PCDH9: variants seen among roughly 807,000 people sequenced by gnomAD.
PCDH9 encodes protocadherin-9.
A neutral mutation model predicts 70.6 loss-of-function variants in PCDH9; 24 were observed. That is an observed-to-expected ratio of 0.34 (90% CI 0.25 to 0.48). PCDH9 has a LOEUF of 0.48. PCDH9 is among the 20% of genes least tolerant of loss of function. The pLI is 0.99. For synonymous variants in PCDH9, 562 were observed against 558.5 expected (o/e 1.01, Z -0.09); for missense variants, 1,281 against 1,503.6 (o/e 0.85, Z 2.45).
chr13:66,954,114 G>GT (rs770536092), intron 2 of PCDH9, among the ~76,000 whole-genome samples: 9 of 152,108 alleles, frequency 5.9e-5, no homozygotes, highest in Non-Finnish European at 1.0e-4. Context: ...CATCTACCAA[G>GT]TATCAGGAGC....
chr13:66,799,126 C>T (rs1029837850), intron 3 of PCDH9, among the ~76,000 whole-genome samples: 2 of 152,076 alleles, frequency 1.3e-5, no homozygotes, highest in Non-Finnish European at 1.5e-5. Context: ...GCCTGCTACT[C>T]TTTATTAAGA....
At position 66,564,420 on chromosome 13, in the gene PCDH9, C is replaced by A. The variant is rs188175613; in HGVS notation, c.3340+66790G>T. Among the ~76,000 whole-genome samples the A allele has an allele frequency of 1.5e-3, 229 of 152,162 alleles. 7 individuals carry two copies. Among genetic ancestry groups the A allele is most frequent in the Admixed American group, 0.015 (227 of 15,276 alleles). ...GGCTCAAATGATTCTCTCCCTTTGA[C>A]CTCTCAAAGTGCTAGGATTACAGGC... is the stretch of plus-strand genomic sequence containing the variant. On this transcript the variant is annotated intron_variant, in intron 4 of 4. Transcript: ENST00000377865.
intron 4 of PCDH9, among the ~76,000 whole-genome samples, chr13:66,410,303 GT>G (rs1353116119): frequency 6.6e-6 from 1 of 151,804 alleles, no homozygotes; most frequent in African/African-American, 2.4e-5. Flanking sequence ...CCCTAGCATT[GT>G]TTTACAGTGA....
At chr13:66,997,977 T>G (rs1362788058) in intron 2 of PCDH9, among the ~76,000 whole-genome samples, 1 of 152,240 alleles carries the variant, frequency 6.6e-6, no homozygotes, top group Non-Finnish European at 1.5e-5. Context: ...TGTGTTTGTT[T>G]GTTTGTTTAA....
chr13:66,305,325 GA>G (rs1168770163), intron 4 of PCDH9, among the ~76,000 whole-genome samples: 3 of 151,844 alleles, frequency 2.0e-5, no homozygotes, highest in African/African-American at 7.3e-5. Flanking sequence ...GTATAACCAT[GA>G]TGTATACAGA....
At chr13:66,642,511 A>G (rs2077721811) in intron 3 of PCDH9, among the ~76,000 whole-genome samples, 1 of 152,054 alleles carries the variant, frequency 6.6e-6, no homozygotes. Flanking sequence ...TAGGTACTTA[A>G]TGATTCATAT....
chr13:66,598,196 T>A lies in PCDH9; in HGVS notation c.3340+33014A>T, dbSNP rs565973592. Among the ~76,000 whole-genome samples, 28 of 151,886 alleles carry A rather than the reference T, an allele frequency of 1.8e-4. No individual in the cohort carries two copies. In the South Asian group the frequency reaches 3.3e-3, roughly 18 times the overall value. On this transcript the variant is annotated intron_variant, in intron 4 of 4. Transcript: ENST00000377865. ...ATGGAGTTCCTCTGCAAATTTAAAA[T>A]AGAACTGTAATATGACCCAACAATC...
At chr13:66,599,755 G>C (rs1271031271) in intron 4 of PCDH9, among the ~76,000 whole-genome samples, 1 of 151,672 alleles carries the variant, frequency 6.6e-6, no homozygotes, top group Non-Finnish European at 1.5e-5. Context: ...TTCAAAAAGT[G>C]CTGAGATTGT....
chr13:66,878,488 A>G (rs934746840), intron 3 of PCDH9, among the ~76,000 whole-genome samples: 1 of 152,084 alleles, frequency 6.6e-6, no homozygotes, highest in Admixed American at 6.5e-5. Context: ...TGGACTCCCA[A>G]ACTGCTGGGA....
chr13:66,769,049 A>G (rs1274267937), intron 3 of PCDH9, among the ~76,000 whole-genome samples: 1 of 152,102 alleles, frequency 6.6e-6, no homozygotes, highest in Non-Finnish European at 1.5e-5. Context: ...ACATATTTGC[A>G]TTTAATTTTC....
intron 2 of PCDH9, among the ~76,000 whole-genome samples, chr13:67,166,047 C>T (rs558240282): frequency 5.9e-5 from 9 of 152,210 alleles, no homozygotes; most frequent in African/African-American, 1.7e-4. Context: ...TTAAAAAAGT[C>T]GTGGTGTGGA....
chr13:66,486,462 C>A (rs75465839), intron 4 of PCDH9, among the ~76,000 whole-genome samples: 2,601 of 129,860 alleles, frequency 0.02, 68 homozygotes, highest in African/African-American at 0.062. Context: ...GTCCCCCCCC[C>A]ACAAAAAAAT....
intron 2 of PCDH9, among the ~76,000 whole-genome samples, chr13:67,169,574 TAA>T (rs2088219088): frequency 6.6e-6 from 1 of 152,128 alleles, no homozygotes; most frequent in East Asian, 1.9e-4. Context: ...CACAATAAAC[TAA>T]AGGGATTTTT....
intron 3 of PCDH9, among the ~76,000 whole-genome samples, chr13:66,645,118 T>C (rs1418977970): frequency 6.6e-6 from 1 of 152,118 alleles, no homozygotes; most frequent in Non-Finnish European, 1.5e-5. Context: ...CACTGACTTT[T>C]CATAAATATG....
At position 67,228,558 on chromosome 13, in the gene PCDH9, C is replaced by T; in HGVS notation, c.-118G>A. The T allele has an allele frequency of 1.3e-6, 1 of 752,236 alleles. No individual in the cohort carries two copies. The highest frequency in any genetic ancestry group is 2.1e-6 in the Non-Finnish European group (1 of 484,794). The allele number at this position is 752,236 out of a possible 1,614,324, so 46.6% of individuals were successfully genotyped here. ...CTGGAGGATGCATTATATCTCATCA[C>T]TTATTTGGAGACAGCCGCTGTCAAC... On this transcript the variant is annotated 5_prime_UTR_variant, in exon 2 of 5. It adds an upstream start codon to the 5' untranslated region. Coordinates refer to ENST00000377865, the MANE Select transcript of PCDH9 (RefSeq NM_203487.3).
chr13:66,873,940 CTTTT>C (rs528441546), intron 3 of PCDH9, among the ~76,000 whole-genome samples: 1 of 111,130 alleles, frequency 9.0e-6, no homozygotes. Context: ...TTCTTTCTTT[CTTTT>C]TTTTTTTTTT....
intron 4 of PCDH9, among the ~76,000 whole-genome samples, chr13:66,527,177 TTATC>T (rs1960253419): frequency 2.0e-5 from 3 of 152,148 alleles, no homozygotes; most frequent in Non-Finnish European, 4.4e-5. Context: ...GTTTTACCTT[TTATC>T]TATCTTTCTA....
At chr13:66,587,562 C>T (rs1429230117) in intron 4 of PCDH9, among the ~76,000 whole-genome samples, 1 of 151,916 alleles carries the variant, frequency 6.6e-6, no homozygotes, top group Non-Finnish European at 1.5e-5. Flanking sequence ...GCTAGGAGAA[C>T]ATCAATGTCT....
chr13:67,004,324 A>T (rs1442170443), intron 2 of PCDH9, among the ~76,000 whole-genome samples: 4 of 151,050 alleles, frequency 2.6e-5, no homozygotes, highest in African/African-American at 9.7e-5. Flanking sequence ...TAATCCCAGC[A>T]TTTTGGGAGG....
Sources: allele counts gnomAD v4.1 joint callset (sites outside exome capture counted in the v4.1 genomes callset), GRCh38; gene constraint gnomAD v4.1.1; transcripts MANE v1.5; gene names NCBI Gene and HGNC (gene_info 2026-07-23, HGNC 2026-07-21).